CYTH3: variants seen among roughly 807,000 people sequenced by gnomAD.
The protein encoded by CYTH3 is cytohesin 3, also known as cytohesin-3.
Under a neutral mutation model 55.1 loss-of-function variants are expected in CYTH3, and 23 were observed. That is an observed-to-expected ratio of 0.42 (90% CI 0.30 to 0.59). CYTH3 has a LOEUF of 0.59. CYTH3 is among the 20% of genes least tolerant of loss of function. The pLI, the probability that CYTH3 is intolerant of heterozygous loss-of-function variation, is 0.20. For missense variants in CYTH3, 413 were observed against 524.8 expected (o/e 0.79, Z 2.08); for synonymous variants, 249 against 194.9 (o/e 1.28, Z -2.31).
At chr7:6,226,454 T>TA (rs1163360746) in intron 1 of CYTH3, among the ~76,000 whole-genome samples, 5 of 152,156 alleles carry the variant, frequency 3.3e-5, no homozygotes, top group Non-Finnish European at 7.3e-5. Context: ...GGGAGAGTGC[T>TA]ATTTTAGGGC....
intron 1 of CYTH3, among the ~76,000 whole-genome samples, chr7:6,240,030 G>C (rs772211781): frequency 3.9e-5 from 6 of 152,156 alleles, no homozygotes; most frequent in Admixed American, 1.3e-4. Flanking sequence ...TAGAGGCTGG[G>C]TGCAGTGGCT....
chr7:6,187,267 G>A (rs1783678986), intron 3 of CYTH3, 151 bp from the exon 4 acceptor site: 3 of 735,708 alleles, frequency 4.1e-6, no homozygotes, highest in Admixed American at 5.0e-5. Flanking sequence ...CGCAGTGGCG[G>A]CAGGGGTGGT....
intron 1 of CYTH3, among the ~76,000 whole-genome samples, chr7:6,246,091 T>A (rs1779807319): frequency 1.3e-5 from 2 of 152,042 alleles, no homozygotes; most frequent in African/African-American, 2.4e-5. Flanking sequence ...TTTTTTTTTT[T>A]AACTTTTTTG....
intron 1 of CYTH3, among the ~76,000 whole-genome samples, chr7:6,225,290 T>A (rs1455580669): frequency 6.6e-6 from 1 of 151,976 alleles, no homozygotes; most frequent in African/African-American, 2.4e-5. Flanking sequence ...TTGTTCTGGA[T>A]ACAAAGGTCA....
intron 1 of CYTH3, among the ~76,000 whole-genome samples, chr7:6,226,692 C>T (rs550722468): frequency 6.6e-6 from 1 of 152,256 alleles, no homozygotes; most frequent in African/African-American, 2.4e-5. Flanking sequence ...AGTAAAGCAA[C>T]ACAACATCTC....
Position 6,272,462 on chromosome 7 carries a change from T to C in CYTH3, c.34+12A>G. ...AGGCCGCCGGCGAGCCCACCACACC[T>C]CCGACACTCACCGCCACCACCCTCG... On this transcript the variant is annotated intron_variant, in intron 1 of 12. Coordinates refer to ENST00000350796, the MANE Select transcript of CYTH3 (RefSeq NM_004227.4). The C allele has an allele frequency of 2.3e-6, 3 of 1,290,108 alleles. 1 individual carries two copies. Among genetic ancestry groups the C allele is most frequent in the East Asian group, 8.8e-5 (2 of 22,792 alleles). The allele number at this position is 1,290,108 out of a possible 1,614,324, so 79.9% of individuals were successfully genotyped here.
At chr7:6,215,054 G>A (rs1414915912) in intron 1 of CYTH3, among the ~76,000 whole-genome samples, 3 of 152,130 alleles carry the variant, frequency 2.0e-5, no homozygotes, top group Non-Finnish European at 4.4e-5. Context: ...AAATGGGATA[G>A]GATGCCCTCT....
At chr7:6,213,865 C>A (rs1784373351) in intron 1 of CYTH3, among the ~76,000 whole-genome samples, 1 of 152,032 alleles carries the variant, frequency 6.6e-6, no homozygotes, top group Non-Finnish European at 1.5e-5. Flanking sequence ...TCTCTCTGCC[C>A]ACCAGGAGAA....
intron 5 of CYTH3, among the ~76,000 whole-genome samples, chr7:6,175,951 G>A (rs1783340348): frequency 6.6e-6 from 1 of 152,144 alleles, no homozygotes. Context: ...TTTAGGATGT[G>A]CAACTTCTGC....
At chr7:6,220,560 GA>G (rs2128551293) in intron 1 of CYTH3, among the ~76,000 whole-genome samples, 1 of 118,092 alleles carries the variant, frequency 8.5e-6, no homozygotes, top group East Asian at 2.5e-4. Context: ...AGAAAGTCTC[GA>G]AACATCCTGT....
intron 1 of CYTH3, among the ~76,000 whole-genome samples, chr7:6,235,201 C>A (rs966585558): frequency 6.6e-6 from 1 of 152,312 alleles, no homozygotes; most frequent in East Asian, 1.9e-4. Flanking sequence ...GTGGGCCAGG[C>A]GTAGTGGCTC....
intron 1 of CYTH3, among the ~76,000 whole-genome samples, chr7:6,243,724 C>T (rs139244841): frequency 0.014 from 2,104 of 152,200 alleles, 50 homozygotes; most frequent in African/African-American, 0.048. Context: ...TCAACTTACC[C>T]AATGAATTGA....
In CYTH3 at chr7:6,165,354, C is replaced by T. The variant is rs1782963765; in HGVS notation, c.1046G>A (p.Arg349His). Residue 349 changes from arginine to histidine, a missense_variant, in exon 12 of 13, where the codon CGC becomes CAC. Transcript: ENST00000350796. ...CACCACATGGTTCCCCTCTACCACG[C>T]GGCCGTCGGCCTCAGTCTTACAGGC... ...IKACKTEADG[R>H]VVEGNHVVYR... 4 of 1,614,172 alleles carry T rather than the reference C, an allele frequency of 2.5e-6. No homozygotes were observed. The highest frequency in any genetic ancestry group is 2.2e-5 in the East Asian group (1 of 44,880).
intron 1 of CYTH3, among the ~76,000 whole-genome samples, chr7:6,255,840 TAC>T (rs994946090): frequency 7.2e-6 from 1 of 139,000 alleles, no homozygotes; most frequent in African/African-American, 2.7e-5. Context: ...CTCTGCTCAC[TAC>T]AAGCTCCGCC....
At chr7:6,239,124 G>C (rs1243106454) in intron 1 of CYTH3, among the ~76,000 whole-genome samples, 2 of 152,164 alleles carry the variant, frequency 1.3e-5, no homozygotes, top group Non-Finnish European at 2.9e-5. Flanking sequence ...TGAGGTGGGA[G>C]GATCACTTGA....
chr7:6,184,063 T>TC (rs748175779), intron 4 of CYTH3, among the ~76,000 whole-genome samples: 150 of 133,848 alleles, frequency 1.1e-3, no homozygotes, highest in Non-Finnish European at 2.1e-3. Flanking sequence ...TTTTTTTTTT[T>TC]TTTTTTTTTT....
Position 6,164,626 on chromosome 7 carries a change from C to T in CYTH3, c.*318G>A, listed in dbSNP as rs957640014. 5.6e-5 allele frequency: 22 copies of T among 393,114 alleles called. No individual in the cohort carries two copies. The highest frequency in any genetic ancestry group is 7.2e-4 in the Middle Eastern group (1 of 1,380). The allele number at this position is 393,114 out of a possible 1,614,324, so 24.4% of individuals were successfully genotyped here. Reference sequence around the variant, plus strand: ...CTGTCCTGGCTTCTCCCCCTAGGGGCGCCGGGATGGTCGCAGGAAGGAAAT... The same window carrying T: ...CTGTCCTGGCTTCTCCCCCTAGGGGTGCCGGGATGGTCGCAGGAAGGAAAT... On this transcript the variant is annotated 3_prime_UTR_variant, in exon 13 of 13. Coordinates refer to ENST00000350796, the MANE Select transcript of CYTH3 (RefSeq NM_004227.4).
In CYTH3 at chr7:6,259,819, T is replaced by A. The variant is rs1456724360; in HGVS notation, c.34+12655A>T. On this transcript the variant is annotated intron_variant, in intron 1 of 12. Coordinates refer to ENST00000350796, the MANE Select transcript of CYTH3 (RefSeq NM_004227.4). ...TATATATATATATATATATAATATA[T>A]ATATATATATATATTTTTTTTTTTT... Among the ~76,000 whole-genome samples the A allele has an allele frequency of 1.5e-4, 4 of 25,818 alleles. 1 individual carries two copies. The highest frequency in any genetic ancestry group is 1.2e-3 in the African/African-American group (3 of 2,480). The allele number at this position is 25,818 out of a possible 152,430, so 16.9% of individuals were successfully genotyped here.
At chr7:6,181,968 T>C (rs1300564210) in intron 4 of CYTH3, among the ~76,000 whole-genome samples, 2 of 152,230 alleles carry the variant, frequency 1.3e-5, no homozygotes, top group Non-Finnish European at 2.9e-5. Context: ...TCGTATCTCT[T>C]TGATGATATT....
Sources: gnomAD v4.1 joint callset for allele counts (sites outside exome capture counted in the v4.1 genomes callset) on GRCh38, gnomAD v4.1.1 for gene constraint, MANE v1.5 for transcripts, NCBI Gene and HGNC (gene_info 2026-07-23, HGNC 2026-07-21) for gene names.